The following KCND2 variants were observed in gnomAD, a reference collection of about 807,000 sequenced individuals.
The protein encoded by KCND2 is A-type voltage-gated potassium channel KCND2.
Under a neutral mutation model 54.4 loss-of-function variants are expected in KCND2, and 16 were observed. That is an observed-to-expected ratio of 0.29 (90% CI 0.20 to 0.45). The LOEUF (loss-of-function observed/expected upper bound fraction) is 0.45, where lower values mean the gene tolerates loss of function less well. KCND2 is among the 20% of genes least tolerant of loss of function. The pLI, the probability that KCND2 is intolerant of heterozygous loss-of-function variation, is 1.00. For synonymous variants in KCND2, 317 were observed against 310.7 expected (o/e 1.02, Z -0.21); for missense variants, 486 against 824.2 (o/e 0.59, Z 5.02).
chr7:120,643,396 A>G (rs1005893317), intron 1 of KCND2, among the ~76,000 whole-genome samples: 1 of 152,190 alleles, frequency 6.6e-6, no homozygotes, highest in African/African-American at 2.4e-5. Context: ...TTTAAAAACA[A>G]TTAACATAAA....
chr7:120,731,230 A>G (rs745484778), intron 1 of KCND2, among the ~76,000 whole-genome samples: 8 of 152,240 alleles, frequency 5.3e-5, no homozygotes, highest in Non-Finnish European at 1.2e-4. Flanking sequence ...TTTACATTCT[A>G]ATGTCAGTAG....
rs188181406 is a variant in KCND2 at position 120,683,280 on chromosome 7, G to A, written c.1116-49623G>A. Among the ~76,000 whole-genome samples, 311 of 152,146 alleles carry A rather than the reference G, an allele frequency of 2.0e-3. 2 individuals carry two copies. The highest frequency in any genetic ancestry group is 6.6e-3 in the African/African-American group (276 of 41,546). Reference sequence around the variant, plus strand: ...TGTCATTACAAATGGAGATGGAGGAGGTACTCCAGTCTACTATGATCTTAC... The same window carrying A: ...TGTCATTACAAATGGAGATGGAGGAAGTACTCCAGTCTACTATGATCTTAC... On this transcript the variant is annotated intron_variant, in intron 1 of 5. Transcript: ENST00000331113.
At chr7:120,576,091 T>A (rs957207454) in intron 1 of KCND2, among the ~76,000 whole-genome samples, 2 of 152,114 alleles carry the variant, frequency 1.3e-5, no homozygotes, top group African/African-American at 4.8e-5. Flanking sequence ...CCCCCAAAAG[T>A]CAATAATCAT....
At chr7:120,629,337 T>A (rs1054696889) in intron 1 of KCND2, among the ~76,000 whole-genome samples, 3 of 152,170 alleles carry the variant, frequency 2.0e-5, no homozygotes, top group African/African-American at 7.2e-5. Flanking sequence ...ATACAAAAAA[T>A]TAGCCGGGCG....
chr7:120,309,511 G>GTATA (rs1366173764), intron 1 of KCND2, among the ~76,000 whole-genome samples: 2 of 105,118 alleles, frequency 1.9e-5, no homozygotes, highest in Admixed American at 1.0e-4. Context: ...ACATATGTAT[G>GTATA]TATATATATT....
At chr7:120,691,674 G>T (rs571995229) in intron 1 of KCND2, among the ~76,000 whole-genome samples, 1 of 152,132 alleles carries the variant, frequency 6.6e-6, no homozygotes. Flanking sequence ...TCTAGAACCC[G>T]AGGAAGAGGT....
rs3067025 is a variant in KCND2 at position 120,351,244 on chromosome 7, G to GTATATATATATATA, written c.1115+75507_1115+75520dup. On this transcript the variant is annotated intron_variant, in intron 1 of 5. Coordinates refer to ENST00000331113, the MANE Select transcript of KCND2 (RefSeq NM_012281.3). The stretch of plus-strand genomic sequence containing the variant: ...CATCATATTATATATTTATATGTGT[G>GTATATATATATATA]TATATATATATATATATATATATCC... 1.7e-3 allele frequency among the ~76,000 whole-genome samples: 236 copies of GTATATATATATATA among 137,322 alleles called. 2 individuals carry two copies. Among genetic ancestry groups the GTATATATATATATA allele is most frequent in the African/African-American group, 5.6e-3 (206 of 36,794 alleles). The allele number at this position is 137,322 out of a possible 152,430, so 90.1% of individuals were successfully genotyped here. A position where few individuals can be genotyped will look rare whatever the true frequency, so the allele number is the denominator to read the frequency against.
At chr7:120,598,826 T>C (rs1792779887) in intron 1 of KCND2, among the ~76,000 whole-genome samples, 1 of 152,230 alleles carries the variant, frequency 6.6e-6, no homozygotes, top group Non-Finnish European at 1.5e-5. Context: ...TTAATGAACA[T>C]TTAGATAGGC....
At chr7:120,594,974 C>T (rs1187465072) in intron 1 of KCND2, among the ~76,000 whole-genome samples, 3 of 150,294 alleles carry the variant, frequency 2.0e-5, no homozygotes, top group East Asian at 4.0e-4. Flanking sequence ...GAGCCGAGAT[C>T]GCGCCACTGC....
intron 1 of KCND2, among the ~76,000 whole-genome samples, chr7:120,698,487 T>A (rs939893250): frequency 1.3e-5 from 2 of 152,208 alleles, no homozygotes; most frequent in Admixed American, 1.3e-4. Context: ...AATGAGATGA[T>A]ACATATAAAA....
rs149780243 is a variant in KCND2, at chr7:120,733,636, C to T, written c.1278+571C>T. On this transcript the variant is annotated intron_variant, in intron 2 of 5. Coordinates refer to ENST00000331113, the MANE Select transcript of KCND2 (RefSeq NM_012281.3). ...CAAGGGTCAAACTGGTTCCAGTAGA[C>T]GAGGGTTATTAAAGGTCACCAAGAT... is the stretch of plus-strand genomic sequence containing the variant. Among the ~76,000 whole-genome samples the T allele has an allele frequency of 1.8e-4, 27 of 152,072 alleles. No homozygotes were observed. In the East Asian group the frequency reaches 3.1e-3, roughly 17 times the overall value.
chr7:120,435,224 A>G (rs1801849629), intron 1 of KCND2, among the ~76,000 whole-genome samples: 1 of 150,716 alleles, frequency 6.6e-6, no homozygotes, highest in African/African-American at 2.4e-5. Context: ...CTCATGCCTC[A>G]GCCTCCCGAG....
chr7:120,442,680 C>T (rs1353130724), intron 1 of KCND2, among the ~76,000 whole-genome samples: 1 of 151,998 alleles, frequency 6.6e-6, no homozygotes, highest in Admixed American at 6.6e-5. Context: ...AGAAGTCACA[C>T]AAAAACATTT....
intron 1 of KCND2, among the ~76,000 whole-genome samples, chr7:120,454,858 C>G (rs1456432603): frequency 6.6e-6 from 1 of 152,062 alleles, no homozygotes; most frequent in African/African-American, 2.4e-5. Flanking sequence ...AATTAGTGTA[C>G]AAAAATCAGT....
intron 1 of KCND2, among the ~76,000 whole-genome samples, chr7:120,719,723 A>G (rs566698329): frequency 1.1e-4 from 17 of 152,342 alleles, no homozygotes; most frequent in African/African-American, 4.1e-4. Context: ...AGCTCCTGCA[A>G]CAAAAAAGAC....
At chr7:120,382,640 G>C (rs1027534596) in intron 1 of KCND2, among the ~76,000 whole-genome samples, 1 of 151,682 alleles carries the variant, frequency 6.6e-6, no homozygotes, top group African/African-American at 2.4e-5. Flanking sequence ...AACAACTTAA[G>C]TATCTTTTCT....
At chr7:120,584,072 T>C (rs896883388) in intron 1 of KCND2, among the ~76,000 whole-genome samples, 14 of 152,204 alleles carry the variant, frequency 9.2e-5, no homozygotes, top group African/African-American at 3.1e-4. Flanking sequence ...TCAGTTTTTA[T>C]TCCCTTGAGA....
intron 1 of KCND2, among the ~76,000 whole-genome samples, chr7:120,731,657 G>A (rs1191609233): frequency 1.3e-5 from 2 of 152,184 alleles, no homozygotes; most frequent in East Asian, 3.9e-4. Flanking sequence ...TGCTATGTTG[G>A]CATGAATTGT....
At chr7:120,632,812 C>T (rs983382666) in intron 1 of KCND2, among the ~76,000 whole-genome samples, 7 of 152,108 alleles carry the variant, frequency 4.6e-5, no homozygotes, top group Non-Finnish European at 1.0e-4. Flanking sequence ...TGCTCTGTTA[C>T]CTTCAGAGGT....
Sources: allele counts gnomAD v4.1 joint callset (sites outside exome capture counted in the v4.1 genomes callset), GRCh38; gene constraint gnomAD v4.1.1; transcripts MANE v1.5; gene names NCBI Gene and HGNC (gene_info 2026-07-23, HGNC 2026-07-21).